Variants in C11orf97 observed in about 807,000 individuals in gnomAD.
C11orf97 encodes chromosome 11 open reading frame 97.
In C11orf97, 15 loss-of-function variants were observed where a neutral mutation model predicts 16.2. That is an observed-to-expected ratio of 0.93 (90% confidence interval 0.62 to 1.43). The LOEUF (loss-of-function observed/expected upper bound fraction) is 1.43, where lower values mean the gene tolerates loss of function less well. C11orf97 is among the 40% of genes most tolerant of loss of function. C11orf97 has a pLI of 0.00. For missense variants in C11orf97, 171 were observed against 161.2 expected, an observed-to-expected ratio of 1.06 and a Z score of -0.33; for synonymous variants, 61 against 65.7, an observed-to-expected ratio of 0.93 and a Z score of 0.34.
intron 2 of C11orf97, among the ~76,000 whole-genome samples, chr11:94,520,049 T>C (rs1010866068): frequency 6.6e-6 from 1 of 152,234 alleles, no homozygotes; most frequent in African/African-American, 2.4e-5. Flanking sequence ...TTCCTATAGC[T>C]GCTATTTTTA....
chr11:94,517,508 TATC>T, intron 1 of C11orf97, 72 bp from the exon 2 acceptor site: 1 of 784,460 alleles, frequency 1.3e-6, no homozygotes, highest in South Asian at 2.5e-5. Flanking sequence ...AAAAAATTGT[TATC>T]ATGTAGATAT....
At chr11:94,523,236 T>G (rs1295480208) in intron 2 of C11orf97, among the ~76,000 whole-genome samples, 2 of 152,234 alleles carry the variant, frequency 1.3e-5, no homozygotes, top group Admixed American at 1.3e-4. Context: ...ATTTGTGACT[T>G]TGGATAAACG....
At chr11:94,521,150 C>T (rs970889418) in intron 2 of C11orf97, among the ~76,000 whole-genome samples, 2 of 152,196 alleles carry the variant, frequency 1.3e-5, no homozygotes, top group African/African-American at 4.8e-5. Flanking sequence ...TCCACTCCAC[C>T]AGGTCAAAAC....
Position 94,528,087 on chromosome 11 carries a change from C to A in C11orf97, c.254C>A (p.Ala85Asp). 2 of 1,528,614 alleles carry A rather than the reference C, an allele frequency of 1.3e-6. No individual in the cohort carries two copies. The highest frequency in any genetic ancestry group is 1.7e-6 in the Non-Finnish European group (2 of 1,143,920). 94.7% of individuals were successfully genotyped at this position (1,528,614 alleles called of 1,614,324 possible). The change falls in exon 3 of 4, where the codon GCC becomes GAC. Residue 85 changes from alanine (A) to aspartate (D), a missense_variant. Coordinates refer to ENST00000542198, the MANE Select transcript of C11orf97 (RefSeq NM_001190462.2). ...ECHIKNPAAV[A>D]LEGIWSIKRN... Reference sequence around the variant, plus strand: ...TTGCCTTAAAAAATATTGACAGTGGCCCTGGAAGGGATTTGGAGCATTAAA... The same window carrying A: ...TTGCCTTAAAAAATATTGACAGTGGACCTGGAAGGGATTTGGAGCATTAAA...
At chr11:94,512,729 G>T in intron 1 of C11orf97, 56 bp downstream of exon 1, 1 of 1,233,538 alleles carries the variant, frequency 8.1e-7, no homozygotes, top group South Asian at 4.0e-5. Context: ...GAGAACGAGT[G>T]ACAGGGCAAT....
intron 2 of C11orf97, among the ~76,000 whole-genome samples, chr11:94,522,986 C>A (rs1298981811): frequency 6.6e-6 from 1 of 152,168 alleles, no homozygotes; most frequent in Non-Finnish European, 1.5e-5. Context: ...CCTGCCCACT[C>A]CACTGTTCAG....
chr11:94,523,872 C>T (rs1947678513), intron 2 of C11orf97, among the ~76,000 whole-genome samples: 1 of 152,130 alleles, frequency 6.6e-6, no homozygotes, highest in Admixed American at 6.5e-5. Context: ...CTGAAATGGA[C>T]AAGGTGTCTC....
chr11:94,522,932 A>G (rs1221016635), intron 2 of C11orf97, among the ~76,000 whole-genome samples: 1 of 152,162 alleles, frequency 6.6e-6, no homozygotes, highest in African/African-American at 2.4e-5. Flanking sequence ...CACCATTTGT[A>G]TTAACAACAG....
intron 2 of C11orf97, among the ~76,000 whole-genome samples, chr11:94,527,434 A>G (rs1488919635): frequency 1.3e-5 from 2 of 152,252 alleles, no homozygotes; most frequent in Non-Finnish European, 2.9e-5. Flanking sequence ...AAACCTAACC[A>G]GGTGATTTTA....
rs1947744048 is a variant in C11orf97, at chr11:94,532,108, A to C, written c.*208A>C. The C allele has an allele frequency of 7.9e-6, 3 of 379,040 alleles. No homozygotes were observed. The highest frequency in any genetic ancestry group is 1.4e-5 in the Non-Finnish European group (3 of 214,122). 23.5% of individuals were successfully genotyped at this position (379,040 alleles called of 1,614,324 possible). On this transcript the variant is annotated 3_prime_UTR_variant, in exon 4 of 4. Transcript: ENST00000542198. ...GTTCAGTAAGTACCTGAAAACAATA[A>C]AGGAAAATATACTTATTTTTAGTTG...
chr11:94,512,641 C>A lies in C11orf97; in HGVS notation c.113C>A (p.Pro38His). The change falls in exon 1 of 4, where the codon CCC (proline) becomes CAC (histidine). Residue 38 changes from proline (P) to histidine (H), a missense_variant. By Grantham distance (77) the Pro-to-His change is moderately conservative (BLOSUM62 -2). Transcript: ENST00000542198. ...CTGGGGTGCGGGGCGCGCGGGGAAC[C>A]CGGCCGCGGCCCCCTAGAGCACGGC... ...AGLGCGARGE[P>H]GRGPLEHGQQ... 1 of 1,252,624 alleles carries A rather than the reference C, an allele frequency of 8.0e-7. No homozygotes were observed. Among genetic ancestry groups the A allele is most frequent in the East Asian group, 3.1e-5 (1 of 31,810 alleles). 77.6% of individuals were successfully genotyped at this position (1,252,624 alleles called of 1,614,324 possible).
intron 2 of C11orf97, among the ~76,000 whole-genome samples, chr11:94,526,874 G>A (rs1206942214): frequency 2.0e-5 from 3 of 152,204 alleles, no homozygotes; most frequent in Non-Finnish European, 1.5e-5. Flanking sequence ...CCACTCAGGA[G>A]TGGGAAAGGA....
intron 2 of C11orf97, among the ~76,000 whole-genome samples, chr11:94,524,157 A>T (rs1222399849): frequency 6.6e-6 from 1 of 152,086 alleles, no homozygotes; most frequent in African/African-American, 2.4e-5. Flanking sequence ...GCACGTGATA[A>T]ATTTTTTGCA....
chr11:94,520,044 A>G (rs1254636528), intron 2 of C11orf97, among the ~76,000 whole-genome samples: 1 of 152,220 alleles, frequency 6.6e-6, no homozygotes, highest in East Asian at 1.9e-4. Flanking sequence ...TGTGGTTCCT[A>G]TAGCTGCTAT....
intron 3 of C11orf97, among the ~76,000 whole-genome samples, chr11:94,530,621 T>C (rs1293398231): frequency 6.6e-6 from 1 of 152,212 alleles, no homozygotes. Context: ...GGTGCTCAAT[T>C]GCTATTAGTC....
chr11:94,530,070 G>C (rs1325466646), intron 3 of C11orf97, among the ~76,000 whole-genome samples: 1 of 152,112 alleles, frequency 6.6e-6, no homozygotes, highest in African/African-American at 2.4e-5. Context: ...AGACATACAA[G>C]TCCAATAAAT....
chr11:94,515,259 TA>T (rs889162937), intron 1 of C11orf97, among the ~76,000 whole-genome samples: 2 of 151,026 alleles, frequency 1.3e-5, no homozygotes, highest in Non-Finnish European at 2.9e-5. Flanking sequence ...AGAGAAATAA[TA>T]ATATATATAA....
chr11:94,528,084 T>C lies in C11orf97; in HGVS notation c.251T>C (p.Val84Ala). Residue 84 changes from valine to alanine, a missense_variant and splice_region_variant, in exon 3 of 4, where the codon GTG becomes GCG. Physicochemically the swap from Val to Ala is moderately conservative, Grantham distance 64. Coordinates refer to ENST00000542198, the MANE Select transcript of C11orf97 (RefSeq NM_001190462.2). ...TTCTTGCCTTAAAAAATATTGACAG[T>C]GGCCCTGGAAGGGATTTGGAGCATT... ...DECHIKNPAA[V>A]ALEGIWSIKR... is the part of the protein sequence containing the mutation. 2 of 1,526,244 alleles carry C rather than the reference T, an allele frequency of 1.3e-6. No homozygotes were observed. Among genetic ancestry groups the C allele is most frequent in the Non-Finnish European group, 1.7e-6 (2 of 1,143,248 alleles). The allele number at this position is 1,526,244 out of a possible 1,614,324, so 94.5% of individuals were successfully genotyped here. A position where few individuals can be genotyped will look rare whatever the true frequency, so the allele number is the denominator to read the frequency against.
At chr11:94,514,953 C>T (rs1305815211) in intron 1 of C11orf97, among the ~76,000 whole-genome samples, 1 of 152,120 alleles carries the variant, frequency 6.6e-6, no homozygotes, top group Non-Finnish European at 1.5e-5. Flanking sequence ...CCAATGTCAC[C>T]TTTAGGATCA....
Sources: gnomAD v4.1 joint callset for allele counts (sites outside exome capture counted in the v4.1 genomes callset) on GRCh38, gnomAD v4.1.1 for gene constraint, MANE v1.5 for transcripts, NCBI Gene and HGNC (gene_info 2026-07-23, HGNC 2026-07-21) for gene names.